Variants in UNC119B observed in about 807,000 individuals in gnomAD.
The protein encoded by UNC119B is protein unc-119 homolog B.
UNC119B carries 16 observed loss-of-function variants against 23.4 expected under a neutral mutation model. The ratio of observed to expected loss-of-function variants is 0.68; its 90% CI spans 0.46 to 1.04. The LOEUF (loss-of-function observed/expected upper bound fraction) is 1.04. Ranked by LOEUF, UNC119B falls within the 50% of genes least tolerant of loss-of-function variation. UNC119B has a pLI of 0.00. For synonymous variants in UNC119B, 144 were observed against 145.4 expected (o/e 0.99, Z 0.07); for missense variants, 350 against 361.3 (o/e 0.97, Z 0.25).
chr12:120,717,163 C>A, intron 4 of UNC119B, 121 bp downstream of exon 4: 2 of 1,003,692 alleles, frequency 2.0e-6, no homozygotes, highest in Non-Finnish European at 2.9e-6. Flanking sequence ...TGATGCGTAT[C>A]TAGTCATTTG....
chr12:120,718,645 G>A (rs1882829922), intron 4 of UNC119B, among the ~76,000 whole-genome samples: 1 of 152,170 alleles, frequency 6.6e-6, no homozygotes, highest in Admixed American at 6.5e-5. Flanking sequence ...GTCAGTTTCT[G>A]CAACTTTGGC....
rs755532448 is a variant in UNC119B, at chr12:120,716,923, G to A, written c.524G>A (p.Arg175Gln). The part of the protein sequence containing the change: ...KPVSNFRMIE[R>Q]HYFREHLLKN... ...GTTTCAAACTTCCGGATGATCGAAC[G>A]GCACTATTTCCGGGAACACTTGCTG... is the stretch of plus-strand genomic sequence containing the variant. The change falls in exon 4 of 5, where the codon CGG becomes CAG. Residue 175 changes from arginine to glutamine, a missense_variant. Transcript: ENST00000344651. The A allele has an allele frequency of 3.1e-6, 5 of 1,613,526 alleles. No homozygotes were observed. Among genetic ancestry groups the A allele is most frequent in the East Asian group, 4.5e-5 (2 of 44,898 alleles).
rs981873755 is a variant in UNC119B, at chr12:120,721,667, A to C, written c.*1635A>C. The C allele has an allele frequency of 6.5e-6, 1 of 152,732 alleles. No individual in the cohort carries two copies. The highest frequency in any genetic ancestry group is 6.5e-5 in the Admixed American group (1 of 15,288). 9.5% of individuals were successfully genotyped at this position (152,732 alleles called of 1,614,324 possible). ...CATGCTGGCAGCTTTCTCACTGAGA[A>C]GGTCCTAGCTTACCCCTGTGTGCTG... On this transcript the variant is annotated 3_prime_UTR_variant, in exon 5 of 5. Transcript: ENST00000344651.
chr12:120,715,430 C>G lies in UNC119B; in HGVS notation c.359-1198C>G, dbSNP rs186524742. Among the ~76,000 whole-genome samples, 171 of 150,292 alleles carry G rather than the reference C, an allele frequency of 1.1e-3. 3 individuals carry two copies. Among genetic ancestry groups the G allele is most frequent in the Admixed American group, 3.5e-3 (53 of 15,130 alleles). ...TGAAAAAGTCTTCTCTTATGTTGTA[C>G]TCATGTACAGCTTAGACCTGGAGAA... On this transcript the variant is annotated intron_variant, in intron 2 of 4. Coordinates refer to ENST00000344651, the MANE Select transcript of UNC119B (RefSeq NM_001080533.3).
intron 2 of UNC119B, among the ~76,000 whole-genome samples, chr12:120,714,314 G>GTT (rs58868791): frequency 3.4e-5 from 5 of 148,012 alleles, no homozygotes; most frequent in Admixed American, 6.7e-5. Flanking sequence ...TGTTTTGTGG[G>GTT]TTTTTTTTTT....
intron 4 of UNC119B, among the ~76,000 whole-genome samples, chr12:120,719,592 G>GACCCACCAA (rs1882846591): frequency 6.6e-6 from 1 of 152,168 alleles, no homozygotes; most frequent in Non-Finnish European, 1.5e-5. Flanking sequence ...ATAGGTTGGT[G>GACCCACCAA]GGGTCCATGT....
Position 120,716,960 on chromosome 12 carries a change from C to G in UNC119B, c.561C>G (p.Asp187Glu). 6.2e-7 allele frequency: 1 copy of G among 1,613,900 alleles called. No homozygotes were observed. Among genetic ancestry groups the G allele is most frequent in the Non-Finnish European group, 8.5e-7 (1 of 1,179,878 alleles). Residue 187 changes from aspartate to glutamate, a missense_variant, in exon 4 of 5, where the codon GAC becomes GAG. Asp to Glu is a conservative substitution (Grantham distance 45). Transcript: ENST00000344651. ...YFREHLLKNF[D>E]FDFGFCIPSS... is the part of the protein sequence containing the mutation. ...GGGAACACTTGCTGAAAAACTTTGA[C>G]TTTGATTTTGGCTTCTGCATCCCCA...
In UNC119B at chr12:120,713,222, G is replaced by A. The variant is rs112862387; in HGVS notation, c.245-52G>A. The A allele has an allele frequency of 2.6e-5, 35 of 1,369,152 alleles. 2 individuals are homozygous for A. In the African/African-American group the frequency reaches 2.9e-4, roughly 11 times the overall value. 84.8% of individuals were successfully genotyped at this position (1,369,152 alleles called of 1,614,324 possible). A position where few individuals can be genotyped will look rare whatever the true frequency, so the allele number is the denominator to read the frequency against. ...TTCAAAACTTGAGAATTAAATAAATGGTAGTTTTGGAGGATTATTTAACAG... is the reference window on the plus strand; with the variant it reads ...TTCAAAACTTGAGAATTAAATAAATAGTAGTTTTGGAGGATTATTTAACAG... On this transcript the variant is annotated intron_variant, in intron 1 of 4. Transcript: ENST00000344651.
At chr12:120,711,011 G>A (rs916377810) in intron 1 of UNC119B, 8 of 260,194 alleles carry the variant, frequency 3.1e-5, no homozygotes, top group Non-Finnish European at 5.8e-5. Context: ...AGAGGGCCCC[G>A]TTCAGCTGAA....
rs550257165 is a variant in UNC119B, at chr12:120,720,242, C to T, written c.*210C>T. The stretch of plus-strand genomic sequence containing the variant: ...TTTTTTCTTCCCTTTTTTTCCTGCC[C>T]CGTAGGTTGCAGAGGTACTATAGTA... On this transcript the variant is annotated 3_prime_UTR_variant, in exon 5 of 5. Transcript: ENST00000344651. 8 of 564,652 alleles carry T rather than the reference C, an allele frequency of 1.4e-5. No homozygotes were observed. The African/African-American group carries it at 1.5e-4, about 11-fold the overall frequency. The allele number at this position is 564,652 out of a possible 1,614,324, so 35.0% of individuals were successfully genotyped here.
chr12:120,716,811 T>C, intron 3 of UNC119B, 59 bp from the exon 4 acceptor site: 4 of 1,605,598 alleles, frequency 2.5e-6, no homozygotes, highest in Non-Finnish European at 3.4e-6. Flanking sequence ...GGTTGGGTTT[T>C]GGGTTGGCTT....
chr12:120,716,908 TC>T lies in UNC119B; in HGVS notation c.511del (p.Arg171GlyfsTer2). On this transcript the variant is annotated frameshift_variant, in exon 4 of 5. Coordinates refer to ENST00000344651, the MANE Select transcript of UNC119B (RefSeq NM_001080533.3). LOFTEE classifies it high-confidence loss of function. ...FTVGDKPVSN[F>X]RMIERHYFRE... is the part of the protein sequence containing the mutation. ...GTGGGAGACAAACCTGTTTCAAACTTCCGGATGATCGAACGGCACTATTTCC... is the reference window on the plus strand; with the variant it reads ...GTGGGAGACAAACCTGTTTCAAACTTCGGATGATCGAACGGCACTATTTCC... 1 of 1,613,318 alleles carries T rather than the reference TC, an allele frequency of 6.2e-7. No individual in the cohort carries two copies. Among genetic ancestry groups the T allele is most frequent in the Non-Finnish European group, 8.5e-7 (1 of 1,179,556 alleles).
chr12:120,718,520 A>G (rs1882827392), intron 4 of UNC119B, among the ~76,000 whole-genome samples: 1 of 152,144 alleles, frequency 6.6e-6, no homozygotes, highest in Non-Finnish European at 1.5e-5. Flanking sequence ...AGGTGGAAAT[A>G]CTGTTTGAGG....
chr12:120,714,475 C>T (rs1882729533), intron 2 of UNC119B, among the ~76,000 whole-genome samples: 1 of 152,132 alleles, frequency 6.6e-6, no homozygotes, highest in African/African-American at 2.4e-5. Flanking sequence ...TGCCCACCAC[C>T]ATGCCTAGCT....
At chr12:120,716,146 G>T (rs888463779) in intron 2 of UNC119B, among the ~76,000 whole-genome samples, 12 of 152,172 alleles carry the variant, frequency 7.9e-5, no homozygotes, top group Admixed American at 2.0e-4. Context: ...CTTTTAGGTT[G>T]GTGCTAGCGC....
chr12:120,716,512 C>A (rs1882782646), intron 2 of UNC119B, 116 bp from the exon 3 acceptor site: 10 of 1,067,858 alleles, frequency 9.4e-6, no homozygotes, highest in Middle Eastern at 2.9e-4. Context: ...ACTGGCCATT[C>A]TTCTTGTTGG....
In UNC119B at chr12:120,720,367, G is replaced by C. The variant is rs1213127029; in HGVS notation, c.*335G>C. The stretch of plus-strand genomic sequence containing the variant: ...GTTGTCTTGACGACCAGGCATAGCT[G>C]TGCCTGGTGAGAAGGCTCTGGCCAG... On this transcript the variant is annotated 3_prime_UTR_variant, in exon 5 of 5. Transcript: ENST00000344651. 1 of 214,074 alleles carries C rather than the reference G, an allele frequency of 4.7e-6. No homozygotes were observed. Among genetic ancestry groups the C allele is most frequent in the African/African-American group, 2.3e-5 (1 of 42,864 alleles). The allele number at this position is 214,074 out of a possible 1,614,324, so 13.3% of individuals were successfully genotyped here. A position where few individuals can be genotyped will look rare whatever the true frequency, so the allele number is the denominator to read the frequency against.
At position 120,722,995 on chromosome 12, in the gene UNC119B, G is replaced by A. The variant is rs139701993; in HGVS notation, c.*2963G>A. The A allele has an allele frequency of 5.6e-4, 86 of 152,562 alleles. No homozygotes were observed. Among genetic ancestry groups the A allele is most frequent in the African/African-American group, 2.0e-3 (82 of 41,562 alleles). The allele number at this position is 152,562 out of a possible 1,614,324, so 9.5% of individuals were successfully genotyped here. On this transcript the variant is annotated 3_prime_UTR_variant, in exon 5 of 5. Transcript: ENST00000344651. ...ACCATAAACTGGAAATTTGTGAAATGGCAGTGATTGGGCAATCTTCAGTTT... is the reference window on the plus strand; with the variant it reads ...ACCATAAACTGGAAATTTGTGAAATAGCAGTGATTGGGCAATCTTCAGTTT...
chr12:120,713,266 G>C lies in UNC119B; in HGVS notation c.245-8G>C, dbSNP rs199833733. On this transcript the variant is annotated splice_polypyrimidine_tract_variant and splice_region_variant and intron_variant, in intron 1 of 4. Transcript: ENST00000344651. ...TTAACAGTGTTGGTTTCTCTCTCTT[G>C]TTTTCAGATTATTTATGTAAACCCG... 2 of 599,364 alleles carry C rather than the reference G, an allele frequency of 3.3e-6. No homozygotes were observed. The highest frequency in any genetic ancestry group is 4.7e-6 in the Non-Finnish European group (2 of 430,070). 37.1% of individuals were successfully genotyped at this position (599,364 alleles called of 1,614,324 possible). A position where few individuals can be genotyped will look rare whatever the true frequency, so the allele number is the denominator to read the frequency against.
Sources: allele counts gnomAD v4.1 joint callset (sites outside exome capture counted in the v4.1 genomes callset), GRCh38; gene constraint gnomAD v4.1.1; transcripts MANE v1.5; gene names NCBI Gene and HGNC (gene_info 2026-07-23, HGNC 2026-07-21).